The following OXR1 variants were observed in gnomAD, a reference collection of about 807,000 sequenced individuals.
OXR1 encodes oxidation resistance 1, also known as oxidation resistance protein 1.
In OXR1, 41 loss-of-function variants were observed where a neutral mutation model predicts 104.6. The observed-to-expected ratio is 0.39, with a 90% CI of 0.31 to 0.51. The LOEUF (loss-of-function observed/expected upper bound fraction) is 0.51. OXR1 is among the 20% of genes least tolerant of loss of function. The pLI is 0.77. For synonymous variants in OXR1, 348 were observed against 348.4 expected, an observed-to-expected ratio of 1.00 and a Z score of 0.01; for missense variants, 955 against 1,031.9, an observed-to-expected ratio of 0.93 and a Z score of 1.02.
At chr8:106,697,826 A>G (rs1272908825) in intron 7 of OXR1, 3 of 1,612,386 alleles carry the variant, frequency 1.9e-6, no homozygotes, top group Non-Finnish European at 1.7e-6. Flanking sequence ...TTGAGCTCAC[A>G]TAACACCGTG....
At chr8:106,517,405 A>G (rs567478949) in intron 2 of OXR1, among the ~76,000 whole-genome samples, 1 of 152,334 alleles carries the variant, frequency 6.6e-6, no homozygotes, top group East Asian at 1.9e-4. Flanking sequence ...CCATTCTACC[A>G]TTGATAGACA....
At chr8:106,666,857 G>T (rs1449860204) in intron 3 of OXR1, among the ~76,000 whole-genome samples, 1 of 152,202 alleles carries the variant, frequency 6.6e-6, no homozygotes, top group African/African-American at 2.4e-5. Flanking sequence ...TTATAAGGAA[G>T]TGAACAGATT....
At chr8:106,551,858 ATATGTGTGTG>A (rs1185324089) in intron 3 of OXR1, among the ~76,000 whole-genome samples, 42 of 94,278 alleles carry the variant, frequency 4.5e-4, no homozygotes, top group African/African-American at 1.2e-3. Flanking sequence ...ATGTGTATAT[ATATGTGTGTG>A]TGTGTGTGTG....
chr8:106,410,831 T>G (rs1818429690), intron 2 of OXR1, among the ~76,000 whole-genome samples: 1 of 152,192 alleles, frequency 6.6e-6, no homozygotes, highest in Non-Finnish European at 1.5e-5. Context: ...TGTATTAAAC[T>G]CAAAGCTTCT....
intron 3 of OXR1, among the ~76,000 whole-genome samples, chr8:106,594,223 T>C (rs1819339162): frequency 6.6e-6 from 1 of 152,130 alleles, no homozygotes; most frequent in East Asian, 1.9e-4. Flanking sequence ...GTAAAGGACA[T>C]GTGTCTCTAT....
chr8:106,625,958 TTA>T (rs1370641041), intron 3 of OXR1, among the ~76,000 whole-genome samples: 3 of 152,002 alleles, frequency 2.0e-5, no homozygotes, highest in Admixed American at 2.0e-4. Flanking sequence ...GCTTTTAATT[TTA>T]TATCTTTTCA....
chr8:106,307,377 G>A (rs1813508974), intron 1 of OXR1, among the ~76,000 whole-genome samples: 1 of 152,074 alleles, frequency 6.6e-6, no homozygotes, highest in African/African-American at 2.4e-5. Flanking sequence ...GCGTCCCCTT[G>A]CCCCTCTAGC....
intron 11 of OXR1, among the ~76,000 whole-genome samples, chr8:106,725,517 G>A (rs1179497952): frequency 1.3e-5 from 2 of 152,126 alleles, no homozygotes; most frequent in Admixed American, 6.5e-5. Flanking sequence ...AAATATCACT[G>A]GTTAGTGAAG....
chr8:106,686,490 C>G (rs1261890054), intron 6 of OXR1, among the ~76,000 whole-genome samples: 1 of 151,942 alleles, frequency 6.6e-6, no homozygotes, highest in Non-Finnish European at 1.5e-5. Flanking sequence ...CTATGACTTT[C>G]TGCATATCTC....
chr8:106,363,256 T>C (rs532574130), intron 2 of OXR1, among the ~76,000 whole-genome samples: 3 of 152,314 alleles, frequency 2.0e-5, no homozygotes, highest in African/African-American at 4.8e-5. Flanking sequence ...AGAAGACTGA[T>C]AAGTGATCAA....
At chr8:106,529,511 G>GA (rs1217675993) in intron 3 of OXR1, among the ~76,000 whole-genome samples, 16 of 152,140 alleles carry the variant, frequency 1.1e-4, no homozygotes, top group Middle Eastern at 3.4e-3. Flanking sequence ...CTCAGAATGA[G>GA]AAAAAATATG....
At chr8:106,279,993 C>CAG (rs768763534) in intron 1 of OXR1, among the ~76,000 whole-genome samples, 2,228 of 149,538 alleles carry the variant, frequency 0.015, 19 homozygotes, top group Non-Finnish European at 0.023. Context: ...TTAGAAAGGA[C>CAG]AGAGAGAGAG....
At chr8:106,666,709 A>C (rs1438968131) in intron 3 of OXR1, among the ~76,000 whole-genome samples, 1 of 152,218 alleles carries the variant, frequency 6.6e-6, no homozygotes, top group African/African-American at 2.4e-5. Flanking sequence ...TGCTGAAGGC[A>C]GGCCAGAGTA....
intron 3 of OXR1, among the ~76,000 whole-genome samples, chr8:106,625,476 C>A (rs1822070743): frequency 6.6e-6 from 1 of 152,182 alleles, no homozygotes; most frequent in African/African-American, 2.4e-5. Context: ...GAAAAACAGG[C>A]AACCTTGGTT....
At chr8:106,275,228 A>G (rs180958778) in intron 1 of OXR1, among the ~76,000 whole-genome samples, 1 of 152,238 alleles carries the variant, frequency 6.6e-6, no homozygotes, top group African/African-American at 2.4e-5. Flanking sequence ...AGAAATGAGA[A>G]ATTTGAGGTG....
At chr8:106,293,965 A>ATTTTTTTTT (rs61559960) in intron 1 of OXR1, among the ~76,000 whole-genome samples, 21 of 124,344 alleles carry the variant, frequency 1.7e-4, no homozygotes, top group African/African-American at 5.3e-4. Flanking sequence ...TGACAGTTTA[A>ATTTTTTTTT]TTTTTTTTTT....
intron 2 of OXR1, among the ~76,000 whole-genome samples, chr8:106,484,310 A>G (rs1445840729): frequency 6.6e-6 from 1 of 152,130 alleles, no homozygotes; most frequent in African/African-American, 2.4e-5. Context: ...CAATGTTTCT[A>G]CCATAAAGAA....
At chr8:106,370,245 T>A (rs538227400) in intron 2 of OXR1, among the ~76,000 whole-genome samples, 120 of 152,320 alleles carry the variant, frequency 7.9e-4, no homozygotes, top group African/African-American at 2.8e-3. Context: ...TGCAGATTGG[T>A]TTTGTATCCT....
intron 3 of OXR1, among the ~76,000 whole-genome samples, chr8:106,609,641 G>A (rs1348932243): frequency 6.6e-6 from 1 of 152,120 alleles, no homozygotes; most frequent in Non-Finnish European, 1.5e-5. Context: ...AATTGTCAAA[G>A]TTAGAATGCA....
Sources: gnomAD v4.1 joint callset for allele counts (sites outside exome capture counted in the v4.1 genomes callset) on GRCh38, gnomAD v4.1.1 for gene constraint, MANE v1.5 for transcripts, NCBI Gene and HGNC (gene_info 2026-07-23, HGNC 2026-07-21) for gene names.